The following NCOA7 variants were observed in gnomAD, a reference collection of about 807,000 sequenced individuals.
NCOA7 encodes nuclear receptor coactivator 7, also known as 140 kDa estrogen receptor-associated protein.
In NCOA7, 45 loss-of-function variants were observed where a neutral mutation model predicts 104.3. That is an observed-to-expected ratio of 0.43 (90% CI 0.34 to 0.55). The LOEUF is 0.55. NCOA7 is among the 20% of genes least tolerant of loss of function. The pLI is 0.02. For missense variants in NCOA7, 1,041 were observed against 1,119.7 expected, an observed-to-expected ratio of 0.93 and a Z score of 1.00; for synonymous variants, 398 against 402.3, an observed-to-expected ratio of 0.99 and a Z score of 0.13.
chr6:125,883,161 T>C (rs1465914808), intron 7 of NCOA7, among the ~76,000 whole-genome samples: 1 of 152,180 alleles, frequency 6.6e-6, no homozygotes, highest in African/African-American at 2.4e-5. Context: ...TTTTTTTGTT[T>C]TCACTAAGAA....
chr6:125,881,270 A>G (rs1783802716), intron 6 of NCOA7, 67 bp downstream of exon 6: 5 of 1,163,488 alleles, frequency 4.3e-6, no homozygotes, highest in Non-Finnish European at 6.4e-6. Context: ...AGAATTCAAC[A>G]TGTTATTTTT....
intron 13 of NCOA7, among the ~76,000 whole-genome samples, chr6:125,926,730 A>G (rs999165610): frequency 6.6e-6 from 1 of 152,208 alleles, no homozygotes; most frequent in Non-Finnish European, 1.5e-5. Context: ...GCACACAGAG[A>G]TTGTGATCTA....
At position 125,919,232 on chromosome 6, in the gene NCOA7, A is replaced by G. The variant is rs897180508; in HGVS notation, c.2245-1711A>G. The G allele has an allele frequency of 5.6e-5, 89 of 1,589,348 alleles. No individual in the cohort carries two copies. In the Admixed American group the frequency reaches 7.7e-4, roughly 14 times the overall value. On this transcript the variant is annotated intron_variant, in intron 11 of 15. Coordinates refer to ENST00000392477, the MANE Select transcript of NCOA7 (RefSeq NM_181782.5). The stretch of plus-strand genomic sequence containing the variant: ...GAGGGAAACAGAAACTCAATCATGC[A>G]GGAAACTAGATACTGAGAAAACAGT...
intron 2 of NCOA7, among the ~76,000 whole-genome samples, chr6:125,835,072 T>C (rs1399835337): frequency 3.3e-5 from 5 of 152,234 alleles, no homozygotes; most frequent in Admixed American, 6.5e-5. Context: ...ATTTCCCAGA[T>C]AAAAGTTCTT....
At chr6:125,868,614 T>A (rs1782625912) in intron 3 of NCOA7, among the ~76,000 whole-genome samples, 1 of 152,254 alleles carries the variant, frequency 6.6e-6, no homozygotes, top group Admixed American at 6.5e-5. Context: ...GTACATGACT[T>A]GATTTTATAA....
At chr6:125,842,512 G>A (rs1443296878) in intron 2 of NCOA7, among the ~76,000 whole-genome samples, 2 of 152,110 alleles carry the variant, frequency 1.3e-5, no homozygotes, top group African/African-American at 4.8e-5. Context: ...AGTTCATTTT[G>A]AGTAAAAAGC....
chr6:125,781,515 A>T (rs555847136), intron 1 of NCOA7: 239 of 152,316 alleles, frequency 1.6e-3, no homozygotes, highest in African/African-American at 5.4e-3. Flanking sequence ...AGATAGAAAA[A>T]TCATCAGAAG....
At chr6:125,789,071 A>AT, upstream of NCOA7, among the ~76,000 whole-genome samples, 1 of 152,350 alleles carries the variant, frequency 6.6e-6, no homozygotes, top group East Asian at 1.9e-4. Context: ...AATTTTGTTA[A>AT]AGAGTAAGCA....
At chr6:125,910,254 A>T (rs1786405140) in intron 10 of NCOA7, among the ~76,000 whole-genome samples, 1 of 152,158 alleles carries the variant, frequency 6.6e-6, no homozygotes, top group African/African-American at 2.4e-5. Flanking sequence ...GTACCAGGCT[A>T]GTTCTCAGAT....
intron 2 of NCOA7, among the ~76,000 whole-genome samples, chr6:125,822,899 C>T (rs1778314032): frequency 6.6e-6 from 1 of 150,978 alleles, no homozygotes; most frequent in African/African-American, 2.4e-5. Flanking sequence ...TGCTCTACTG[C>T]CCTCCAGCCT....
chr6:125,841,191 ACC>A (rs776131259), intron 2 of NCOA7, among the ~76,000 whole-genome samples: 5,452 of 151,720 alleles, frequency 0.036, 319 homozygotes, highest in African/African-American at 0.12. Context: ...CGCCTGGCCT[ACC>A]TTTTATGTTT....
intron 2 of NCOA7, among the ~76,000 whole-genome samples, chr6:125,832,682 G>A (rs1779287806): frequency 6.6e-6 from 1 of 152,210 alleles, no homozygotes; most frequent in African/African-American, 2.4e-5. Context: ...GATGCTCAAA[G>A]ATCACAGTTT....
intron 2 of NCOA7, among the ~76,000 whole-genome samples, chr6:125,853,322 C>G (rs1176205447): frequency 1.3e-5 from 2 of 152,144 alleles, no homozygotes; most frequent in Admixed American, 1.3e-4. Context: ...TTCAGGGTTT[C>G]TAGGTATTTG....
chr6:125,812,066 T>A (rs1777064249), intron 1 of NCOA7, among the ~76,000 whole-genome samples: 1 of 152,184 alleles, frequency 6.6e-6, no homozygotes. Flanking sequence ...AATAAGGACA[T>A]CTAAATCATA....
chr6:125,865,060 A>G (rs1347210923), intron 3 of NCOA7, among the ~76,000 whole-genome samples: 1 of 138,072 alleles, frequency 7.2e-6, no homozygotes, highest in East Asian at 2.1e-4. Flanking sequence ...TTTGTGTTAG[A>G]TCCTTTATTT....
chr6:125,805,027 C>T (rs890367153), intron 1 of NCOA7, among the ~76,000 whole-genome samples: 1 of 147,094 alleles, frequency 6.8e-6, no homozygotes, highest in Non-Finnish European at 1.5e-5. Context: ...AACCTGAATA[C>T]AGGTCAGTAT....
At chr6:125,892,310 A>G (rs993303149) in intron 10 of NCOA7, among the ~76,000 whole-genome samples, 1 of 152,198 alleles carries the variant, frequency 6.6e-6, no homozygotes, top group African/African-American at 2.4e-5. Context: ...CCACACATGT[A>G]ATTATTTTAC....
chr6:125,888,501 G>T (rs988243674), intron 8 of NCOA7, among the ~76,000 whole-genome samples: 5 of 150,580 alleles, frequency 3.3e-5, no homozygotes, highest in Non-Finnish European at 7.4e-5. Context: ...TAATGTAGTT[G>T]TTTTCTACAC....
chr6:125,903,872 A>AT (rs1785729986), intron 10 of NCOA7, among the ~76,000 whole-genome samples: 1 of 151,346 alleles, frequency 6.6e-6, no homozygotes, highest in African/African-American at 2.4e-5. Context: ...TGCCCAACTA[A>AT]TTTTTTTCTA....
Sources: gnomAD v4.1 joint callset for allele counts (sites outside exome capture counted in the v4.1 genomes callset) on GRCh38, gnomAD v4.1.1 for gene constraint, MANE v1.5 for transcripts, NCBI Gene and HGNC (gene_info 2026-07-23, HGNC 2026-07-21) for gene names.